The following NEBL variants were observed in gnomAD, a reference collection of about 807,000 sequenced individuals.
NEBL encodes the protein nebulette.
A neutral mutation model predicts 140.2 loss-of-function variants in NEBL; 122 were observed. That is an observed-to-expected ratio of 0.87 (90% CI 0.75 to 1.01). The LOEUF is 1.01. Ranked by LOEUF, NEBL falls within the 50% of genes least tolerant of loss-of-function variation. NEBL has a pLI of 0.00. For synonymous variants in NEBL, 436 were observed against 398.9 expected (o/e 1.09, Z -1.11); for missense variants, 1,365 against 1,231.3 (o/e 1.11, Z -1.62).
chr10:20,890,387 A>G (rs958499721), intron 2 of NEBL, among the ~76,000 whole-genome samples: 1 of 152,238 alleles, frequency 6.6e-6, no homozygotes, highest in African/African-American at 2.4e-5. Flanking sequence ...AGATGTGACC[A>G]ATTAAGAAGT....
At chr10:21,050,680 G>T (rs1834736829) in intron 2 of NEBL, among the ~76,000 whole-genome samples, 1 of 152,206 alleles carries the variant, frequency 6.6e-6, no homozygotes. Context: ...CATCTGACAG[G>T]TGTTTTCCAG....
chr10:20,878,455 A>G (rs1845715116), intron 5 of NEBL, among the ~76,000 whole-genome samples: 1 of 152,224 alleles, frequency 6.6e-6, no homozygotes, highest in South Asian at 2.1e-4. Context: ...ATTCTCTGCA[A>G]TGAGTTTCAT....
chr10:21,010,781 G>A (rs191737223), intron 3 of NEBL, among the ~76,000 whole-genome samples: 13 of 152,304 alleles, frequency 8.5e-5, no homozygotes, highest in Non-Finnish European at 1.2e-4. Context: ...ACTGAAGCTC[G>A]ACAACTGAGT....
chr10:21,113,828 C>T (rs765558311), intron 2 of NEBL, among the ~76,000 whole-genome samples: 1 of 151,950 alleles, frequency 6.6e-6, no homozygotes, highest in Non-Finnish European at 1.5e-5. Context: ...GTAAAATAAG[C>T]TCAGTATTTT....
chr10:20,997,093 G>T (rs1045758739), intron 3 of NEBL, among the ~76,000 whole-genome samples: 52 of 152,084 alleles, frequency 3.4e-4, no homozygotes, highest in African/African-American at 1.3e-3. Flanking sequence ...GTCACTACTT[G>T]GTTTTTACTT....
chr10:21,002,472 T>C (rs1371765697), intron 3 of NEBL, among the ~76,000 whole-genome samples: 1 of 152,168 alleles, frequency 6.6e-6, no homozygotes, highest in African/African-American at 2.4e-5. Context: ...ATTCTTAAAT[T>C]ATAAATCAAC....
chr10:20,955,345 T>C (rs1835746976), intron 4 of NEBL, among the ~76,000 whole-genome samples: 4 of 152,230 alleles, frequency 2.6e-5, no homozygotes, highest in Admixed American at 1.3e-4. Context: ...GATAGTGTTA[T>C]AGCACAAAGT....
chr10:20,817,222 C>T (rs1004939620), intron 21 of NEBL, among the ~76,000 whole-genome samples: 1 of 152,068 alleles, frequency 6.6e-6, no homozygotes, highest in Non-Finnish European at 1.5e-5. Context: ...CAAAAATTAG[C>T]CAGGTGTGGC....
At chr10:21,171,977 G>C (rs746082043) in intron 2 of NEBL, 16 of 254,204 alleles carry the variant, frequency 6.3e-5, no homozygotes, top group Non-Finnish European at 1.0e-4. Context: ...CCTTTCCATA[G>C]CAACTAGGTT....
chr10:20,860,380 A>C (rs1161988801), intron 7 of NEBL, among the ~76,000 whole-genome samples: 3 of 151,956 alleles, frequency 2.0e-5, no homozygotes, highest in Non-Finnish European at 4.4e-5. Context: ...TAATTCCACT[A>C]AATTCAGCAG....
chr10:21,000,272 C>T (rs902604583), intron 3 of NEBL, among the ~76,000 whole-genome samples: 1 of 151,890 alleles, frequency 6.6e-6, no homozygotes, highest in Non-Finnish European at 1.5e-5. Context: ...CAGATTATTG[C>T]CCTGCCCTCA....
At chr10:21,117,723 A>T (rs571389353) in intron 2 of NEBL, among the ~76,000 whole-genome samples, 1 of 152,146 alleles carries the variant, frequency 6.6e-6, no homozygotes, top group Non-Finnish European at 1.5e-5. Context: ...GCATCTCTCT[A>T]TAGCTAAAAA....
Position 20,840,519 on chromosome 10 carries a change from T to C in NEBL, c.1338+220A>G, listed in dbSNP as rs561685348. Among the ~76,000 whole-genome samples, 7 of 152,250 alleles carry C rather than the reference T, an allele frequency of 4.6e-5. 1 individual carries two copies. In the South Asian group the frequency reaches 1.2e-3, roughly 27 times the overall value. On this transcript the variant is annotated intron_variant, in intron 13 of 27. Coordinates refer to ENST00000377122, the MANE Select transcript of NEBL (RefSeq NM_006393.3). ...CATTAAACTATTTTCGTTTATTATA[T>C]GGATTTTCTCCAAAGTGGGGAAACG...
At chr10:21,149,007 C>T (rs1840029651) in intron 2 of NEBL, among the ~76,000 whole-genome samples, 1 of 152,208 alleles carries the variant, frequency 6.6e-6, no homozygotes, top group Admixed American at 6.5e-5. Context: ...AGGAATCCTG[C>T]ACAGAGAGCC....
chr10:20,835,298 C>T (rs936955849), intron 14 of NEBL, among the ~76,000 whole-genome samples: 3 of 152,124 alleles, frequency 2.0e-5, no homozygotes, highest in Non-Finnish European at 4.4e-5. Context: ...AATTAAAATG[C>T]CTTCCACCAA....
At chr10:21,227,525 G>A (rs1045996070) in intron 3 of NEBL, among the ~76,000 whole-genome samples, 1 of 152,198 alleles carries the variant, frequency 6.6e-6, no homozygotes, top group Non-Finnish European at 1.5e-5. Context: ...TCTTGAAGGT[G>A]TTTGACTTTC....
At chr10:21,288,760 CAA>C (rs59316290) in intron 1 of NEBL, among the ~76,000 whole-genome samples, 13 of 46,872 alleles carry the variant, frequency 2.8e-4, no homozygotes, top group African/African-American at 7.3e-4. Context: ...ACTCCATCGC[CAA>C]AAAAAAAAAA....
At chr10:20,797,392 A>T (rs987758039) in intron 26 of NEBL, among the ~76,000 whole-genome samples, 2 of 152,190 alleles carry the variant, frequency 1.3e-5, no homozygotes, top group Non-Finnish European at 2.9e-5. Context: ...ATCAATCCAT[A>T]AGGAGTTCTG....
At chr10:20,810,511 G>A (rs1287950067) in intron 24 of NEBL, among the ~76,000 whole-genome samples, 1 of 152,124 alleles carries the variant, frequency 6.6e-6, no homozygotes, top group South Asian at 2.1e-4. Flanking sequence ...TATTTAAAAA[G>A]TGTTATAAGC....
Sources: allele counts gnomAD v4.1 joint callset (sites outside exome capture counted in the v4.1 genomes callset), GRCh38; gene constraint gnomAD v4.1.1; transcripts MANE v1.5; gene names NCBI Gene and HGNC (gene_info 2026-07-23, HGNC 2026-07-21).